GCG: variants seen among roughly 807,000 people sequenced by gnomAD.
The protein encoded by GCG is glucagon.
Under a neutral mutation model 22.8 loss-of-function variants are expected in GCG, and 11 were observed. That is an observed-to-expected ratio of 0.48 (90% CI 0.30 to 0.80). The LOEUF is 0.80. GCG is among the 30% of genes least tolerant of loss of function. GCG has a pLI of 0.06. For synonymous variants in GCG, 89 were observed against 72.4 expected (o/e 1.23, Z -1.16); for missense variants, 222 against 222.0 (o/e 1.00, Z 0.00).
rs1230212404 is a variant in GCG at position 162,152,217 on chromosome 2, C to CT, written c.-70dup. 2.0e-5 allele frequency: 3 copies of CT among 152,606 alleles called. No individual in the cohort carries two copies. The highest frequency in any genetic ancestry group is 4.4e-5 in the Non-Finnish European group (3 of 68,040). The allele number at this position is 152,606 out of a possible 1,614,324, so 9.5% of individuals were successfully genotyped here. A position where few individuals can be genotyped will look rare whatever the true frequency, so the allele number is the denominator to read the frequency against. ...AGAGAGAGCAAGCCCTCTTTGGGAA[C>CT]TTTTGATGTGCTCTGTGTCCTAAGC... On this transcript the variant is annotated 5_prime_UTR_variant, in exon 1 of 6. Coordinates refer to ENST00000418842, the MANE Select transcript of GCG (RefSeq NM_002054.5).
chr2:162,152,172 C>T lies in GCG; in HGVS notation c.-24G>A, dbSNP rs1686856235. The T allele has an allele frequency of 6.6e-6, 1 of 152,582 alleles. No homozygotes were observed. Among genetic ancestry groups the T allele is most frequent in the Non-Finnish European group, 1.5e-5 (1 of 68,028 alleles). The allele number at this position is 152,582 out of a possible 1,614,324, so 9.5% of individuals were successfully genotyped here. ...AATCATCTTACCTTCTGGTAGTGTG[C>T]TGTAGAACAGAGCAGGTGAAGAGAG... On this transcript the variant is annotated 5_prime_UTR_variant, in exon 1 of 6. Coordinates refer to ENST00000418842, the MANE Select transcript of GCG (RefSeq NM_002054.5).
intron 2 of GCG, 114 bp downstream of exon 2, chr2:162,148,973 T>A: frequency 1.5e-6 from 1 of 661,664 alleles, no homozygotes; most frequent in Non-Finnish European, 2.7e-6. Flanking sequence ...AAACATTTGA[T>A]CATTGTGCAG....
chr2:162,148,175 T>G (rs372786707), intron 2 of GCG, among the ~76,000 whole-genome samples: 1 of 152,108 alleles, frequency 6.6e-6, no homozygotes, highest in Non-Finnish European at 1.5e-5. Context: ...GAGGATATTA[T>G]GAGGAGTATT....
At position 162,147,436 on chromosome 2, in the gene GCG, T is replaced by C. The variant is rs750990514; in HGVS notation, c.171A>G (p.Thr57=). Residue 57 remains threonine, a synonymous_variant, in exon 3 of 6, where the codon ACA becomes ACG. Coordinates refer to ENST00000418842, the MANE Select transcript of GCG (RefSeq NM_002054.5). ...MNEDKRHSQG[T]FTSDYSKYLD... ...GATACTTGCTGTAGTCACTGGTGAA[T>C]GTGCCCTGTGAATGGCGCTTGTCCT... 37 of 1,612,798 alleles carry C rather than the reference T, an allele frequency of 2.3e-5. No individual in the cohort carries two copies. The highest frequency in any genetic ancestry group is 3.0e-5 in the Non-Finnish European group (35 of 1,179,060).
intron 3 of GCG, among the ~76,000 whole-genome samples, chr2:162,146,006 C>T (rs1461228008): frequency 6.6e-6 from 1 of 152,158 alleles, no homozygotes; most frequent in African/African-American, 2.4e-5. Context: ...ATCCACTGCA[C>T]TATGTGACTT....
chr2:162,143,910 T>TCCTATATAATAAGAGATTATAGACTTTCC (rs1227387848), intron 5 of GCG, 117 bp downstream of exon 5: 1 of 786,756 alleles, frequency 1.3e-6, no homozygotes, highest in Non-Finnish European at 2.2e-6. Flanking sequence ...CATAATTATT[T>TCCTATATAATAAGAGATTATAGACTTTCC]CCTATATAAT....
chr2:162,151,340 T>C (rs779134756), intron 1 of GCG, among the ~76,000 whole-genome samples: 2 of 152,164 alleles, frequency 1.3e-5, no homozygotes, highest in Non-Finnish European at 2.9e-5. Flanking sequence ...GCTCATTTTA[T>C]GTAATAGGTC....
intron 1 of GCG, among the ~76,000 whole-genome samples, chr2:162,151,560 A>C (rs770754569): frequency 6.6e-6 from 1 of 151,996 alleles, no homozygotes; most frequent in Non-Finnish European, 1.5e-5. Context: ...TCCAAAGAAA[A>C]CCCCCCAAAT....
intron 2 of GCG, among the ~76,000 whole-genome samples, chr2:162,148,877 T>C (rs914892166): frequency 1.3e-5 from 2 of 152,138 alleles, no homozygotes; most frequent in African/African-American, 4.8e-5. Context: ...AACATGTTTT[T>C]CAACATTTCT....
At chr2:162,148,129 T>C (rs369230748) in intron 2 of GCG, among the ~76,000 whole-genome samples, 4 of 152,130 alleles carry the variant, frequency 2.6e-5, no homozygotes, top group African/African-American at 9.7e-5. Context: ...GAGATACTAT[T>C]TTTACCTATG....
At chr2:162,143,946 A>G (rs572287083) in intron 5 of GCG, 81 bp downstream of exon 5, 47 of 1,202,660 alleles carry the variant, frequency 3.9e-5, no homozygotes, top group African/African-American at 2.8e-4. Context: ...TTCCCCCTAC[A>G]TGGGGAACAG....
intron 1 of GCG, among the ~76,000 whole-genome samples, chr2:162,150,404 T>C (rs1027203440): frequency 6.6e-6 from 1 of 152,182 alleles, no homozygotes; most frequent in Non-Finnish European, 1.5e-5. Context: ...TTACTATCTC[T>C]GGCACTAAAA....
At position 162,145,514 on chromosome 2, in the gene GCG, T is replaced by G. The variant is rs766676176; in HGVS notation, c.392+26A>C. 2.6e-6 allele frequency: 4 copies of G among 1,566,754 alleles called. No homozygotes were observed. In the African/African-American group the frequency reaches 4.1e-5, roughly 16 times the overall value. On this transcript the variant is annotated intron_variant, in intron 4 of 5. Coordinates refer to ENST00000418842, the MANE Select transcript of GCG (RefSeq NM_002054.5). ...AAATTTTCTGCATCAAGGCAAAAAA[T>G]GTCAAATAAGAATGTACAGACTTAC...
intron 3 of GCG, among the ~76,000 whole-genome samples, 188 bp downstream of exon 3, chr2:162,147,165 G>A (rs1403644016): frequency 6.6e-6 from 1 of 152,118 alleles, no homozygotes; most frequent in Non-Finnish European, 1.5e-5. Flanking sequence ...AAGTGGTTTA[G>A]AGGGGTGCGG....
At chr2:162,147,186 T>C (rs1200002081) in intron 3 of GCG, among the ~76,000 whole-genome samples, 167 bp downstream of exon 3, 2 of 152,050 alleles carry the variant, frequency 1.3e-5, no homozygotes, top group Non-Finnish European at 1.5e-5. Context: ...GTTAAGACAT[T>C]CGGGGGCATA....
At chr2:162,145,480 T>C in intron 4 of GCG, 60 bp downstream of exon 4, 1 of 1,392,010 alleles carries the variant, frequency 7.2e-7, no homozygotes. Context: ...TATAGATAAC[T>C]GTAGTCTTAA....
Position 162,144,138 on chromosome 2 carries a change from A to G in GCG, c.425T>C (p.Leu142Pro). ...AGAACCATCAGCATGTCTGCGGCCA[A>G]GTTCTTCAACAATGGCGACCTCTTC... ...FPEEVAIVEE[L>P]GRRHADGSFS... Residue 142 changes from leucine to proline, a missense_variant, in exon 5 of 6, where the codon CTT becomes CCT. By Grantham distance (98) the Leu-to-Pro change is moderately conservative. Transcript: ENST00000418842. 1 of 1,612,068 alleles carries G rather than the reference A, an allele frequency of 6.2e-7. No homozygotes were observed. Among genetic ancestry groups the G allele is most frequent in the South Asian group, 1.1e-5 (1 of 91,038 alleles).
chr2:162,149,208 G>A, intron 1 of GCG, 21 bp from the exon 2 acceptor site: 1 of 1,403,016 alleles, frequency 7.1e-7, no homozygotes, highest in Non-Finnish European at 1.0e-6. Context: ...ACAGAATGGG[G>A]GTAGGGTGAG....
chr2:162,147,513 A>T lies in GCG; in HGVS notation c.94T>A (p.Ser32Thr). 6.2e-7 allele frequency: 1 copy of T among 1,612,870 alleles called. No individual in the cohort carries two copies. Among genetic ancestry groups the T allele is most frequent in the Non-Finnish European group, 8.5e-7 (1 of 1,179,078 alleles). Residue 32 changes from serine to threonine, a missense_variant and splice_region_variant, in exon 3 of 6, where the codon TCA (serine) becomes ACA (threonine). Ser to Thr is a moderately conservative substitution (Grantham distance 58). Transcript: ENST00000418842. ...SLQDTEEKSRSFSASQADPLS... is the reference protein window; with the variant it reads ...SLQDTEEKSRTFSASQADPLS... The stretch of plus-strand genomic sequence containing the variant: ...GGGTCTGCCTGGGAAGCTGAGAATG[A>T]TCTGTGAAGAACAGTGATTGGTACA...
Sources: gnomAD v4.1 joint callset for allele counts (sites outside exome capture counted in the v4.1 genomes callset) on GRCh38, gnomAD v4.1.1 for gene constraint, MANE v1.5 for transcripts, NCBI Gene and HGNC (gene_info 2026-07-23, HGNC 2026-07-21) for gene names.